Variants in TNS3 observed in about 807,000 individuals in gnomAD.
The protein encoded by TNS3 is tensin-3.
In TNS3, 45 loss-of-function variants were observed where a neutral mutation model predicts 140.9. That is an observed-to-expected ratio of 0.32 (90% CI 0.25 to 0.41). The LOEUF is 0.41. TNS3 is among the 10% of genes least tolerant of loss of function. TNS3 has a pLI of 1.00. For synonymous variants in TNS3, 815 were observed against 788.4 expected, an observed-to-expected ratio of 1.03 and a Z score of -0.56; for missense variants, 1,716 against 1,906.7, an observed-to-expected ratio of 0.90 and a Z score of 1.86.
intron 2 of TNS3, among the ~76,000 whole-genome samples, chr7:47,507,398 C>A (rs1798458078): frequency 6.6e-6 from 1 of 152,192 alleles, no homozygotes; most frequent in South Asian, 2.1e-4. Context: ...CCTTAAGAAT[C>A]AGAATTTAAA....
chr7:47,280,428 G>T (rs1785082924), intron 28 of TNS3, 74 bp from the exon 29 acceptor site: 2 of 1,332,220 alleles, frequency 1.5e-6, no homozygotes, highest in Non-Finnish European at 2.2e-6. Context: ...CACTGGGCGG[G>T]CTCTCCCATA....
chr7:47,343,504 C>T (rs1789140046), intron 20 of TNS3, among the ~76,000 whole-genome samples: 2 of 152,198 alleles, frequency 1.3e-5, no homozygotes, highest in South Asian at 4.1e-4. Flanking sequence ...GGATTCCAGG[C>T]CAGAGGGCTA....
At chr7:47,460,256 C>T (rs1300991777) in intron 4 of TNS3, among the ~76,000 whole-genome samples, 1 of 148,740 alleles carries the variant, frequency 6.7e-6, no homozygotes, top group African/African-American at 2.5e-5. Context: ...GATTAGGACA[C>T]AGACACACAT....
intron 17 of TNS3, among the ~76,000 whole-genome samples, chr7:47,363,197 ACAT>A (rs1349047524): frequency 2.0e-5 from 3 of 149,476 alleles, no homozygotes; most frequent in South Asian, 2.1e-4. Context: ...ATCAACATCA[ACAT>A]CATCACCACC....
intron 9 of TNS3, among the ~76,000 whole-genome samples, chr7:47,426,707 G>A (rs1794670312): frequency 6.6e-6 from 1 of 152,112 alleles, no homozygotes; most frequent in African/African-American, 2.4e-5. Context: ...AGAAAACAGA[G>A]TTTGTACCAA....
intron 14 of TNS3, 82 bp from the exon 15 acceptor site, chr7:47,400,540 C>T (rs1793093939): frequency 1.3e-5 from 18 of 1,427,192 alleles, no homozygotes; most frequent in Non-Finnish European, 1.7e-5. Flanking sequence ...TTTATTCCAA[C>T]CAGTACAGCA....
chr7:47,345,000 G>T lies in TNS3; in HGVS notation c.2490C>A (p.Ile830=). The T allele has an allele frequency of 6.2e-7, 1 of 1,614,156 alleles. No individual in the cohort carries two copies. The highest frequency in any genetic ancestry group is 8.5e-7 in the Non-Finnish European group (1 of 1,180,036). ...CCTTGCTACTTAAAATTCTGCCATC[G>T]ATAATATCGAGGTCCTGGGGATAGC... ...TPGYPQDLDI[I]DGRILSSKES... is the part of the protein sequence containing the mutation. Residue 830 remains isoleucine (I), a synonymous_variant, in exon 19 of 31, where the codon ATC becomes ATA. Transcript: ENST00000311160.
At chr7:47,476,494 A>G (rs1797198766) in intron 4 of TNS3, among the ~76,000 whole-genome samples, 1 of 152,208 alleles carries the variant, frequency 6.6e-6, no homozygotes, top group Non-Finnish European at 1.5e-5. Context: ...GACCCAGAAG[A>G]CCACAGCCCA....
At chr7:47,415,712 C>T (rs117604349) in intron 10 of TNS3, among the ~76,000 whole-genome samples, 6,004 of 152,370 alleles carry the variant, frequency 0.039, 172 homozygotes, top group Non-Finnish European at 0.06. Flanking sequence ...TCCTATCCCG[C>T]AGCCTTCCAC....
In TNS3 at chr7:47,509,182, G is replaced by A. The variant is rs147636419; in HGVS notation, c.-152-2238C>T. On this transcript the variant is annotated intron_variant, in intron 2 of 30. Transcript: ENST00000311160. Reference sequence around the variant, plus strand: ...TACATTCATGGTGGGTGGCCTACTCGGCCACCAGACAGCCATCGGCACTGT... The same window carrying A: ...TACATTCATGGTGGGTGGCCTACTCAGCCACCAGACAGCCATCGGCACTGT... Among the ~76,000 whole-genome samples the A allele has an allele frequency of 9.8e-3, 1,496 of 152,294 alleles. 23 individuals carry two copies. The highest frequency in any genetic ancestry group is 0.034 in the African/African-American group (1,411 of 41,548).
chr7:47,278,410 G>A (rs1174502534), intron 30 of TNS3, 190 bp from the exon 31 acceptor site: 1 of 623,332 alleles, frequency 1.6e-6, no homozygotes, highest in Non-Finnish European at 2.7e-6. Context: ...CCTACAGATG[G>A]GATGTCTGAC....
intron 3 of TNS3, among the ~76,000 whole-genome samples, chr7:47,504,185 A>G (rs760798993): frequency 2.6e-5 from 4 of 152,164 alleles, no homozygotes; most frequent in Admixed American, 2.0e-4. Context: ...ATGGCTCAAG[A>G]AGAGAGTGAT....
chr7:47,424,763 A>G (rs1021543564), intron 9 of TNS3, among the ~76,000 whole-genome samples: 2 of 152,172 alleles, frequency 1.3e-5, no homozygotes, highest in Admixed American at 6.5e-5. Flanking sequence ...AGAAGGCTGT[A>G]GGGCACTGGG....
intron 28 of TNS3, among the ~76,000 whole-genome samples, chr7:47,282,712 G>A (rs1785211532): frequency 6.6e-6 from 1 of 152,190 alleles, no homozygotes; most frequent in African/African-American, 2.4e-5. Flanking sequence ...ACTGGTCAGT[G>A]TCAGGGGCAC....
rs188489432 is a variant in TNS3 at position 47,439,580 on chromosome 7, C to A, written c.57G>T (p.Val19=). Residue 19 remains valine, a synonymous_variant, in exon 6 of 31, where the codon GTG becomes GTT. Transcript: ENST00000311160. ...CCTCAGAGCAGCCGGCAGGGAAGGA[C>A]ACAGCGATGATGCGCTCCGTGATGT... The part of the protein sequence containing the change: ...LTYITERIIA[V]SFPAGCSEES... 14 of 1,614,112 alleles carry A rather than the reference C, an allele frequency of 8.7e-6. No individual in the cohort carries two copies. In the Admixed American group the frequency reaches 2.3e-4, roughly 27 times the overall value.
At chr7:47,420,010 C>T (rs1172914908) in intron 10 of TNS3, among the ~76,000 whole-genome samples, 1 of 152,214 alleles carries the variant, frequency 6.6e-6, no homozygotes, top group East Asian at 1.9e-4. Flanking sequence ...TTCTCTACTG[C>T]AATTCCCCTG....
intron 27 of TNS3, among the ~76,000 whole-genome samples, chr7:47,287,426 T>C (rs541539581): frequency 6.6e-6 from 1 of 152,288 alleles, no homozygotes; most frequent in African/African-American, 2.4e-5. Context: ...AACGGGGAAA[T>C]TGGACATGAT....
chr7:47,283,711 T>C lies in TNS3; in HGVS notation c.4083A>G (p.Thr1361=), dbSNP rs1166395771. ...FKVSAQGITL[T]DNQRKLFFRR... Reference sequence around the variant, plus strand: ...TAGGCACTCACTTCCTCTGATTGTCTGTCAGGGTGATGCCCTGGGCTGACA... The same window carrying C: ...TAGGCACTCACTTCCTCTGATTGTCCGTCAGGGTGATGCCCTGGGCTGACA... The change falls in exon 28 of 31, where the codon ACA becomes ACG. Residue 1361 remains threonine, a synonymous_variant. Transcript: ENST00000311160. 1 of 1,582,522 alleles carries C rather than the reference T, an allele frequency of 6.3e-7. No homozygotes were observed.
rs1315610831 is a variant in TNS3, at chr7:47,346,277, C to A, written c.2361G>T (p.Gln787His). Residue 787 changes from glutamine (Q) to histidine (H), a missense_variant, in exon 18 of 31, where the codon CAG becomes CAT. Gln to His is a conservative substitution (Grantham distance 24, BLOSUM62 0). Transcript: ENST00000311160. Reference protein sequence around the residue: ...LGQYDNDAGGQLPFSKCAWGK... With the variant: ...LGQYDNDAGGHLPFSKCAWGK... ...CCCATGCACATTTGGAGAAGGGCAG[C>A]TGCCCCCCAGCATCGTTGTCGTACT... The A allele has an allele frequency of 6.2e-7, 1 of 1,614,220 alleles. No homozygotes were observed. Among genetic ancestry groups the A allele is most frequent in the Admixed American group, 1.7e-5 (1 of 60,026 alleles).
Sources: gnomAD v4.1 joint callset for allele counts (sites outside exome capture counted in the v4.1 genomes callset) on GRCh38, gnomAD v4.1.1 for gene constraint, MANE v1.5 for transcripts, NCBI Gene and HGNC (gene_info 2026-07-23, HGNC 2026-07-21) for gene names.